SPAST: variants seen among roughly 807,000 people sequenced by gnomAD.
SPAST encodes the protein spastin.
SPAST carries 30 observed loss-of-function variants against 76.6 expected under a neutral mutation model. The observed-to-expected ratio is 0.39, with a 90% CI of 0.29 to 0.53. The LOEUF is 0.53. SPAST is among the 20% of genes least tolerant of loss of function. The pLI is 0.68. For missense variants in SPAST, 717 were observed against 770.5 expected (o/e 0.93, Z 0.82); for synonymous variants, 305 against 281.0 (o/e 1.09, Z -0.86).
intron 1 of SPAST, among the ~76,000 whole-genome samples, chr2:32,085,708 G>A (rs1432682417): frequency 6.6e-6 from 1 of 152,042 alleles, no homozygotes; most frequent in Admixed American, 6.6e-5. Flanking sequence ...ATAAGGAGAC[G>A]GCATTTCTTA....
intron 4 of SPAST, among the ~76,000 whole-genome samples, chr2:32,111,330 GCGTATATATAC>G (rs1558320758): frequency 1.3e-4 from 19 of 141,030 alleles, no homozygotes; most frequent in South Asian, 9.3e-4. Context: ...AGTGTGTATA[GCGTATATATAC>G]AGTATACTGT....
chr2:32,074,921 A>G (rs958974177), intron 1 of SPAST, among the ~76,000 whole-genome samples: 1 of 152,196 alleles, frequency 6.6e-6, no homozygotes, highest in South Asian at 2.1e-4. Context: ...TTAACTATGT[A>G]TGCTGAGATG....
intron 3 of SPAST, among the ~76,000 whole-genome samples, chr2:32,093,338 C>T (rs1313456279): frequency 2.7e-5 from 4 of 150,188 alleles, no homozygotes; most frequent in South Asian, 2.1e-4. Context: ...AAAAAATAGC[C>T]GGGCATGGTG....
chr2:32,075,342 C>T (rs1226441843), intron 1 of SPAST, among the ~76,000 whole-genome samples: 3 of 145,894 alleles, frequency 2.1e-5, no homozygotes, highest in Admixed American at 7.2e-5. Context: ...AGGAGAGTGG[C>T]GAGAACCCAG....
intron 4 of SPAST, among the ~76,000 whole-genome samples, chr2:32,110,212 A>T (rs1233569380): frequency 6.8e-6 from 1 of 146,098 alleles, no homozygotes; most frequent in Non-Finnish European, 1.5e-5. Context: ...TCTGCTTCCC[A>T]GGTTCAAGCA....
intron 16 of SPAST, among the ~76,000 whole-genome samples, chr2:32,150,239 A>ATTTTTTTTTTTT (rs11363493): frequency 2.1e-4 from 14 of 66,586 alleles, no homozygotes; most frequent in Admixed American, 6.5e-4. Flanking sequence ...CGCCCAGCTA[A>ATTTTTTTTTTTT]TTTTTTTTTT....
intron 13 of SPAST, among the ~76,000 whole-genome samples, chr2:32,142,841 G>C (rs907703639): frequency 6.6e-6 from 1 of 152,118 alleles, no homozygotes; most frequent in African/African-American, 2.4e-5. Flanking sequence ...ATCTATAAAT[G>C]TATTAAAACT....
chr2:32,135,953 C>T (rs1220047154), intron 9 of SPAST, among the ~76,000 whole-genome samples: 1 of 151,984 alleles, frequency 6.6e-6, no homozygotes, highest in Admixed American at 6.6e-5. Flanking sequence ...TGGTGGGCGC[C>T]TGTAATCCCA....
At chr2:32,105,688 C>T (rs1169936671) in intron 4 of SPAST, among the ~76,000 whole-genome samples, 1 of 152,154 alleles carries the variant, frequency 6.6e-6, no homozygotes, top group African/African-American at 2.4e-5. Context: ...CACTCAGGAC[C>T]CTCAGCTGCA....
rs139212192 is a variant in SPAST at position 32,140,707 on chromosome 2, G to A, written c.1494-1197G>A. Reference sequence around the variant, plus strand: ...TTGGGAGGCCAGATCACTTGAGGCCGGGAATTCCAGACCAGCCTCGCCAAC... The same window carrying A: ...TTGGGAGGCCAGATCACTTGAGGCCAGGAATTCCAGACCAGCCTCGCCAAC... On this transcript the variant is annotated intron_variant, in intron 12 of 16. Transcript: ENST00000315285. Among the ~76,000 whole-genome samples the A allele has an allele frequency of 2.2e-3, 339 of 151,386 alleles. 3 individuals are homozygous for A. The highest frequency in any genetic ancestry group is 7.8e-3 in the African/African-American group (323 of 41,378).
intron 9 of SPAST, among the ~76,000 whole-genome samples, chr2:32,134,638 A>G (rs745317238): frequency 3.9e-5 from 6 of 152,012 alleles, no homozygotes; most frequent in Non-Finnish European, 8.8e-5. Context: ...TACCCACATT[A>G]TGCACATGGT....
At chr2:32,124,147 A>G (rs958647712) in intron 7 of SPAST, among the ~76,000 whole-genome samples, 1 of 152,230 alleles carries the variant, frequency 6.6e-6, no homozygotes, top group Non-Finnish European at 1.5e-5. Context: ...TATCCAAAAT[A>G]TACAAAGAAC....
chr2:32,086,281 G>A (rs529497593), intron 1 of SPAST, among the ~76,000 whole-genome samples: 2 of 151,564 alleles, frequency 1.3e-5, no homozygotes, highest in South Asian at 4.2e-4. Flanking sequence ...AACATGGCAA[G>A]ACCCTATCTC....
intron 1 of SPAST, 88 bp from the exon 2 acceptor site, chr2:32,087,404 T>G: frequency 1.3e-6 from 1 of 767,570 alleles, no homozygotes; most frequent in Non-Finnish European, 2.2e-6. Context: ...CACAACCCTG[T>G]TTTTTATGTA....
intron 13 of SPAST, among the ~76,000 whole-genome samples, chr2:32,142,731 A>G (rs901660284): frequency 6.6e-6 from 1 of 152,124 alleles, no homozygotes; most frequent in Non-Finnish European, 1.5e-5. Context: ...AAAGCAGATC[A>G]GTGGGTTGTC....
chr2:32,075,390 C>T (rs1390481930), intron 1 of SPAST, among the ~76,000 whole-genome samples: 2 of 134,122 alleles, frequency 1.5e-5, no homozygotes, highest in African/African-American at 5.6e-5. Flanking sequence ...CGCGCCACTG[C>T]ACCCCAGCCT....
chr2:32,083,484 G>A (rs1677319706), intron 1 of SPAST, among the ~76,000 whole-genome samples: 1 of 150,958 alleles, frequency 6.6e-6, no homozygotes, highest in African/African-American at 2.4e-5. Flanking sequence ...GTAATATTTT[G>A]GTATTTTTAT....
chr2:32,125,244 A>G (rs986282450), intron 7 of SPAST, among the ~76,000 whole-genome samples: 14 of 151,748 alleles, frequency 9.2e-5, no homozygotes, highest in African/African-American at 3.1e-4. Flanking sequence ...ATTTTTTGAG[A>G]TGGAGTTTCA....
intron 3 of SPAST, among the ~76,000 whole-genome samples, chr2:32,097,738 G>T (rs1677974138): frequency 7.1e-6 from 1 of 141,702 alleles, no homozygotes. Context: ...CTGTCACCCA[G>T]GCTGGAGTGC....
Sources: allele counts gnomAD v4.1 joint callset (sites outside exome capture counted in the v4.1 genomes callset), GRCh38; gene constraint gnomAD v4.1.1; transcripts MANE v1.5; gene names NCBI Gene and HGNC (gene_info 2026-07-23, HGNC 2026-07-21).